Variants in TAC4 observed in about 807,000 individuals in gnomAD.
TAC4 encodes the protein tachykinin-4.
In TAC4, 17 loss-of-function variants were observed where a neutral mutation model predicts 17.7. That is an observed-to-expected ratio of 0.96 (90% confidence interval 0.66 to 1.44). The LOEUF is 1.44. Among genes scored for constraint, TAC4 ranks in the 40% most tolerant of loss-of-function variants. The pLI, the probability that TAC4 is intolerant of heterozygous loss-of-function variation, is 0.00. For missense variants in TAC4, 118 were observed against 125.6 expected, an observed-to-expected ratio of 0.94 and a Z score of 0.29; for synonymous variants, 62 against 52.4, an observed-to-expected ratio of 1.18 and a Z score of -0.79.
chr17:49,843,132 C>T (rs2074511085), intron 2 of TAC4, among the ~76,000 whole-genome samples: 1 of 152,228 alleles, frequency 6.6e-6, no homozygotes, highest in African/African-American at 2.4e-5. Flanking sequence ...AAGGTAAGCA[C>T]ATTTCCAACT....
At chr17:49,840,926 C>T (rs2074493157) in intron 3 of TAC4, among the ~76,000 whole-genome samples, 1 of 140,016 alleles carries the variant, frequency 7.1e-6, no homozygotes, top group East Asian at 2.1e-4. Context: ...ACAGAGTCTC[C>T]CTCTGTCACC....
Position 49,839,906 on chromosome 17 carries a change from T to TA in TAC4, c.235dup (p.Tyr79LeufsTer24), listed in dbSNP as rs752801625. ...GCCCTGGAACGTGTGTTCCAGCTGA[T>TA]ATGCTGGTGGTGGGAGAGAGAAGTG... On this transcript the variant is annotated frameshift_variant, in exon 4 of 5. Transcript: ENST00000436235. LOFTEE classifies it high-confidence loss of function. 6.2e-7 allele frequency: 1 copy of TA among 1,611,614 alleles called. No individual in the cohort carries two copies. The highest frequency in any genetic ancestry group is 1.1e-5 in the South Asian group (1 of 90,234).
At chr17:49,839,443 G>A (rs913844428) in intron 4 of TAC4, among the ~76,000 whole-genome samples, 2 of 152,192 alleles carry the variant, frequency 1.3e-5, no homozygotes, top group Non-Finnish European at 2.9e-5. Flanking sequence ...GTGGTTGAAG[G>A]CAGAAAATCT....
intron 2 of TAC4, 145 bp downstream of exon 2, chr17:49,843,919 C>G: frequency 1.4e-6 from 1 of 707,452 alleles, no homozygotes; most frequent in Admixed American, 2.0e-5. Flanking sequence ...TATGGACAGT[C>G]TGTGCCACCC....
At chr17:49,843,472 C>T (rs571400557) in intron 2 of TAC4, among the ~76,000 whole-genome samples, 1 of 152,382 alleles carries the variant, frequency 6.6e-6, no homozygotes, top group South Asian at 2.1e-4. Flanking sequence ...GAAGGCACCA[C>T]TCAGGGTGCA....
chr17:49,846,900 T>C (rs1442255775), intron 1 of TAC4: 3 of 1,228,636 alleles, frequency 2.4e-6, no homozygotes, highest in East Asian at 5.6e-5. Context: ...GAGAAAAGCC[T>C]TGGGGGGTCA....
Position 49,844,158 on chromosome 17 carries a change from C to T in TAC4, c.106-1G>A, listed in dbSNP as rs372635644. 2.5e-6 allele frequency: 4 copies of T among 1,613,684 alleles called. No individual in the cohort carries two copies. On this transcript the variant is annotated splice_acceptor_variant, in intron 1 of 4. Coordinates refer to ENST00000436235, the MANE Select transcript of TAC4 (RefSeq NM_001077506.2). LOFTEE classifies it high-confidence loss of function. ...GCTGAATGCTGGGGCCAGCGCCTTC[C>T]TGAAGAAGCAGAGAGTTAGTGTTAG...
chr17:49,846,228 C>T (rs752761309), intron 1 of TAC4: 36 of 1,288,936 alleles, frequency 2.8e-5, no homozygotes, highest in South Asian at 1.5e-4. Flanking sequence ...GGGGGAGCCC[C>T]GAGAGCAAGG....
At chr17:49,840,193 G>A (rs890020054) in intron 3 of TAC4, among the ~76,000 whole-genome samples, 35 of 152,354 alleles carry the variant, frequency 2.3e-4, no homozygotes, top group Admixed American at 9.1e-4. Context: ...GAAACTGCTG[G>A]GAACTGGAGA....
chr17:49,845,297 T>A (rs1010432820), intron 1 of TAC4, among the ~76,000 whole-genome samples: 1 of 152,242 alleles, frequency 6.6e-6, no homozygotes, highest in African/African-American at 2.4e-5. Flanking sequence ...AACCAAGGAC[T>A]GTGGATTGAC....
At chr17:49,843,188 TGCCAGTTTTTTCACACCAA>T (rs2074511580) in intron 2 of TAC4, among the ~76,000 whole-genome samples, 1 of 152,096 alleles carries the variant, frequency 6.6e-6, no homozygotes, top group African/African-American at 2.4e-5. Flanking sequence ...AGTGTAAAAG[TGCCAGTTTTTTCACACCAA>T]GCCAACACGG....
At chr17:49,839,307 G>A (rs919145924) in intron 4 of TAC4, among the ~76,000 whole-genome samples, 4 of 152,168 alleles carry the variant, frequency 2.6e-5, no homozygotes, top group Admixed American at 6.5e-5. Flanking sequence ...TCCCCAACCT[G>A]ATTGATTTAT....
At chr17:49,842,701 C>G (rs1183833716) in intron 2 of TAC4, among the ~76,000 whole-genome samples, 2 of 152,000 alleles carry the variant, frequency 1.3e-5, no homozygotes, top group East Asian at 3.8e-4. Context: ...AAGGTTTGTA[C>G]AAGTAAAATT....
At chr17:49,844,013 G>A in intron 2 of TAC4, 51 bp downstream of exon 2, 2 of 1,558,574 alleles carry the variant, frequency 1.3e-6, no homozygotes, top group Non-Finnish European at 1.8e-6. Flanking sequence ...TTATGTTGCA[G>A]AACCCACTCA....
Position 49,841,591 on chromosome 17 carries a change from GA to G in TAC4, c.200-8del. 1 of 1,569,962 alleles carries G rather than the reference GA, an allele frequency of 6.4e-7. No individual in the cohort carries two copies. The highest frequency in any genetic ancestry group is 1.4e-5 in the African/African-American group (1 of 71,726). ...GGCTGGATCAGAGGTCTTCCTGGGGGAAGGAGAAGGAATGAGGACTACGGAC... is the reference window on the plus strand; with the variant it reads ...GGCTGGATCAGAGGTCTTCCTGGGGGAGGAGAAGGAATGAGGACTACGGAC... On this transcript the variant is annotated splice_region_variant and splice_polypyrimidine_tract_variant and intron_variant, in intron 2 of 4. Coordinates refer to ENST00000436235, the MANE Select transcript of TAC4 (RefSeq NM_001077506.2).
chr17:49,845,828 T>C (rs1201201583), intron 1 of TAC4: 1 of 160,294 alleles, frequency 6.2e-6, no homozygotes, highest in East Asian at 1.9e-4. Context: ...AATGGATTGT[T>C]TTCTAAGCCT....
rs758041712 is a variant in TAC4 at position 49,841,578 on chromosome 17, G to GGTCTT, written c.201_205dup (p.Pro69GlnfsTer4). On this transcript the variant is annotated frameshift_variant, in exon 3 of 5. Coordinates refer to ENST00000436235, the MANE Select transcript of TAC4 (RefSeq NM_001077506.2). LOFTEE classifies it high-confidence loss of function. ...TTTTTTTCTCCTTGGCTGGATCAGA[G>GGTCTT]GTCTTCCTGGGGGAAGGAGAAGGAA... The GGTCTT allele has an allele frequency of 1.3e-6, 2 of 1,574,674 alleles. No homozygotes were observed. The highest frequency in any genetic ancestry group is 2.3e-5 in the South Asian group (2 of 86,206).
rs569840956 is a variant in TAC4 at position 49,839,028 on chromosome 17, C to T, written c.293-355G>A. 3.9e-5 allele frequency among the ~76,000 whole-genome samples: 6 copies of T among 152,254 alleles called. No individual in the cohort carries two copies. In the South Asian group the frequency reaches 1.2e-3, roughly 32 times the overall value. Reference sequence around the variant, plus strand: ...TGTGTGACTTTGGGCCAGTAGCTTTCCATCTCTGAAAAATGATGACTGACT... The same window carrying T: ...TGTGTGACTTTGGGCCAGTAGCTTTTCATCTCTGAAAAATGATGACTGACT... On this transcript the variant is annotated intron_variant, in intron 4 of 4. Transcript: ENST00000436235.
At position 49,839,764 on chromosome 17, in the gene TAC4, G is replaced by T; in HGVS notation, c.292+86C>A. On this transcript the variant is annotated intron_variant, in intron 4 of 4. Coordinates refer to ENST00000436235, the MANE Select transcript of TAC4 (RefSeq NM_001077506.2). ...TTGTGGGGAGCCTGTCTGTCTAGCT[G>T]CCCAGCCCCCATCTTGCAGACTGGC... 4.6e-6 allele frequency: 6 copies of T among 1,311,274 alleles called. No individual in the cohort carries two copies. The South Asian group carries it at 8.4e-5, about 18-fold the overall frequency. The allele number at this position is 1,311,274 out of a possible 1,614,324, so 81.2% of individuals were successfully genotyped here.
Sources: allele counts gnomAD v4.1 joint callset (sites outside exome capture counted in the v4.1 genomes callset), GRCh38; gene constraint gnomAD v4.1.1; transcripts MANE v1.5; gene names NCBI Gene and HGNC (gene_info 2026-07-23, HGNC 2026-07-21).